TMEM144: variants seen among roughly 807,000 people sequenced by gnomAD.
TMEM144 encodes transmembrane protein 144.
In TMEM144, 39 loss-of-function variants were observed where a neutral mutation model predicts 43.6. That is an observed-to-expected ratio of 0.90 (90% CI 0.69 to 1.17). TMEM144 has a LOEUF of 1.17. Among genes scored for constraint, TMEM144 ranks in the 50% most tolerant of loss-of-function variants. The pLI is 0.00. For synonymous variants in TMEM144, 154 were observed against 133.6 expected, an observed-to-expected ratio of 1.15 and a Z score of -1.06; for missense variants, 417 against 411.9, an observed-to-expected ratio of 1.01 and a Z score of -0.11.
intron 12 of TMEM144, among the ~76,000 whole-genome samples, chr4:158,246,980 A>C (rs1409637719): frequency 1.3e-5 from 2 of 151,978 alleles, no homozygotes; most frequent in Non-Finnish European, 2.9e-5. Flanking sequence ...ATTGAAAAAC[A>C]GTGAGGAATG....
At chr4:158,239,635 G>T (rs1453266053) in intron 9 of TMEM144, among the ~76,000 whole-genome samples, 1 of 152,028 alleles carries the variant, frequency 6.6e-6, no homozygotes, top group Non-Finnish European at 1.5e-5. Context: ...TCAACCTGAG[G>T]ATTTGCTATA....
chr4:158,236,984 A>G (rs1308154373), intron 8 of TMEM144, among the ~76,000 whole-genome samples: 5 of 152,168 alleles, frequency 3.3e-5, no homozygotes, highest in African/African-American at 1.2e-4. Flanking sequence ...TGAAATACCC[A>G]GATTATTTAA....
At chr4:158,211,117 A>G (rs1579094484) in intron 1 of TMEM144, 1 of 152,332 alleles carries the variant, frequency 6.6e-6, no homozygotes, top group Non-Finnish European at 1.5e-5. Flanking sequence ...ACAGTAAGTT[A>G]TTGCCAATTC....
In TMEM144 at chr4:158,230,640, TAAA is replaced by T. The variant is rs923644127; in HGVS notation, c.414-2260_414-2258del. On this transcript the variant is annotated intron_variant, in intron 6 of 12. Coordinates refer to ENST00000296529, the MANE Select transcript of TMEM144 (RefSeq NM_018342.5). The stretch of plus-strand genomic sequence containing the variant: ...ACATATTTACACAAATATGTGTGTG[TAAA>T]TATATATATAATATATATAAAACAC... 4.0e-5 allele frequency among the ~76,000 whole-genome samples: 6 copies of T among 151,658 alleles called. No homozygotes were observed. In the East Asian group the frequency reaches 7.7e-4, roughly 20 times the overall value.
intron 5 of TMEM144, among the ~76,000 whole-genome samples, chr4:158,218,055 C>A (rs375488509): frequency 6.6e-6 from 1 of 152,126 alleles, no homozygotes; most frequent in Admixed American, 6.5e-5. Context: ...TATCTACAAC[C>A]GCCTTCGAGA....
At chr4:158,246,813 T>C (rs980994961) in intron 12 of TMEM144, among the ~76,000 whole-genome samples, 7 of 152,144 alleles carry the variant, frequency 4.6e-5, no homozygotes, top group Middle Eastern at 3.9e-3. Flanking sequence ...TTAGTAATTA[T>C]AGGTATGAAG....
chr4:158,234,128 A>C (rs929002061), intron 7 of TMEM144: 26 of 152,260 alleles, frequency 1.7e-4, no homozygotes, highest in African/African-American at 6.0e-4. Flanking sequence ...TGAGCTCCTT[A>C]TGATGAAAGA....
chr4:158,232,587 A>T (rs1257382547), intron 6 of TMEM144, among the ~76,000 whole-genome samples: 1 of 152,270 alleles, frequency 6.6e-6, no homozygotes, highest in African/African-American at 2.4e-5. Context: ...TATAATAGCT[A>T]AGAAATATTA....
chr4:158,237,812 A>T (rs546272308), intron 9 of TMEM144, among the ~76,000 whole-genome samples, 169 bp downstream of exon 9: 3 of 152,342 alleles, frequency 2.0e-5, no homozygotes, highest in Admixed American at 6.5e-5. Context: ...GAGCATTTTC[A>T]TATGATCTTT....
chr4:158,213,055 AT>A, intron 3 of TMEM144: 1 of 505,038 alleles, frequency 2.0e-6, no homozygotes, highest in South Asian at 2.7e-5. Context: ...CAGTTCTACT[AT>A]AACACCTGTT....
intron 12 of TMEM144, 74 bp from the exon 13 acceptor site, chr4:158,253,370 A>G: frequency 7.6e-7 from 1 of 1,309,596 alleles, no homozygotes; most frequent in Non-Finnish European, 1.1e-6. Flanking sequence ...GTCCCTAGCA[A>G]TCTTGAGAGT....
chr4:158,220,556 C>A (rs1734461131), intron 6 of TMEM144, among the ~76,000 whole-genome samples: 1 of 152,278 alleles, frequency 6.6e-6, no homozygotes, highest in East Asian at 1.9e-4. Context: ...TGGCCATGGG[C>A]AAATAACTTC....
chr4:158,248,579 C>G (rs189205976), intron 12 of TMEM144, among the ~76,000 whole-genome samples: 198 of 152,266 alleles, frequency 1.3e-3, no homozygotes, highest in African/African-American at 4.0e-3. Flanking sequence ...ACATGCCAAT[C>G]AGTTTAGAAA....
At chr4:158,237,116 G>C (rs1349742238) in intron 8 of TMEM144, among the ~76,000 whole-genome samples, 2 of 152,082 alleles carry the variant, frequency 1.3e-5, no homozygotes, top group Non-Finnish European at 2.9e-5. Context: ...GTTCTGTGCT[G>C]GATAGCATGG....
intron 6 of TMEM144, among the ~76,000 whole-genome samples, chr4:158,228,448 A>C (rs1734887689): frequency 6.6e-6 from 1 of 152,102 alleles, no homozygotes; most frequent in South Asian, 2.1e-4. Flanking sequence ...CTTCCACTCA[A>C]ATGGATGGAG....
chr4:158,242,207 C>G (rs978655127), intron 11 of TMEM144, among the ~76,000 whole-genome samples: 2 of 152,194 alleles, frequency 1.3e-5, no homozygotes, highest in Non-Finnish European at 2.9e-5. Flanking sequence ...GAAGCAAAGC[C>G]TTCTCACTCA....
At chr4:158,219,437 A>G in intron 6 of TMEM144, 47 bp downstream of exon 6, 2 of 1,560,224 alleles carry the variant, frequency 1.3e-6, no homozygotes, top group Non-Finnish European at 8.8e-7. Context: ...AAACATGGAG[A>G]GTGCTTTTTT....
At chr4:158,230,131 G>T (rs1359254194) in intron 6 of TMEM144, among the ~76,000 whole-genome samples, 1 of 152,202 alleles carries the variant, frequency 6.6e-6, no homozygotes, top group Non-Finnish European at 1.5e-5. Flanking sequence ...TTTGCAAGTG[G>T]GATCTTCCAA....
intron 12 of TMEM144, 28 bp downstream of exon 12, chr4:158,244,377 A>C (rs751591779): frequency 6.3e-7 from 1 of 1,589,722 alleles, no homozygotes; most frequent in Admixed American, 1.7e-5. Flanking sequence ...CAGACTTAGA[A>C]AATGGGAATG....
Sources: allele counts gnomAD v4.1 joint callset (sites outside exome capture counted in the v4.1 genomes callset), GRCh38; gene constraint gnomAD v4.1.1; transcripts MANE v1.5; gene names NCBI Gene and HGNC (gene_info 2026-07-23, HGNC 2026-07-21).